Variants in FRAS1 observed in about 807,000 individuals in gnomAD.
FRAS1 encodes extracellular matrix organizing protein FRAS1.
A neutral mutation model predicts 435.2 loss-of-function variants in FRAS1; 290 were observed. The observed-to-expected ratio is 0.67, with a 90% confidence interval of 0.61 to 0.73. The LOEUF is 0.73. FRAS1 is among the 30% of genes least tolerant of loss of function. The pLI is 0.00. For missense variants in FRAS1, 4,860 were observed against 5,001.5 expected (o/e 0.97, Z 0.85); for synonymous variants, 1,800 against 1,851.0 (o/e 0.97, Z 0.71).
chr4:78,424,061 AT>A (rs1268196227), intron 34 of FRAS1, among the ~76,000 whole-genome samples: 2 of 152,214 alleles, frequency 1.3e-5, no homozygotes, highest in African/African-American at 4.8e-5. Flanking sequence ...CCTGTCAGTG[AT>A]ATACGACTCA....
intron 27 of FRAS1, among the ~76,000 whole-genome samples, chr4:78,381,326 CAG>C (rs1383270822): frequency 6.6e-6 from 1 of 151,306 alleles, no homozygotes; most frequent in Non-Finnish European, 1.5e-5. Flanking sequence ...TTATTTGAGA[CAG>C]AATCTCACTC....
chr4:78,294,875 A>G (rs531864813), intron 14 of FRAS1, among the ~76,000 whole-genome samples: 2 of 152,362 alleles, frequency 1.3e-5, no homozygotes, highest in South Asian at 4.1e-4. Flanking sequence ...ATTAAAGTCA[A>G]TAAAATATAA....
rs1741885681 is a variant in FRAS1 at position 78,097,790 on chromosome 4, A to G, written c.108+31774A>G. Among the ~76,000 whole-genome samples the G allele has an allele frequency of 1.3e-5, 2 of 152,164 alleles. 1 individual carries two copies. Among genetic ancestry groups the G allele is most frequent in the South Asian group, 4.1e-4 (2 of 4,834 alleles). Reference sequence around the variant, plus strand: ...GGGGATACAGAACCAAACCATACAAAGTCCTAACCTTAGTACTTCAGAATG... The same window carrying G: ...GGGGATACAGAACCAAACCATACAAGGTCCTAACCTTAGTACTTCAGAATG... On this transcript the variant is annotated intron_variant, in intron 2 of 73. Coordinates refer to ENST00000512123, the MANE Select transcript of FRAS1 (RefSeq NM_025074.7).
At chr4:78,317,315 G>A in intron 16 of FRAS1, 53 bp from the exon 17 acceptor site, 3 of 1,605,418 alleles carry the variant, frequency 1.9e-6, no homozygotes, top group Non-Finnish European at 1.7e-6. Context: ...CAGGAAGTGG[G>A]CACTTTATTC....
At chr4:78,315,809 G>T in intron 16 of FRAS1, 75 bp downstream of exon 16, 1 of 1,523,474 alleles carries the variant, frequency 6.6e-7, no homozygotes, top group Non-Finnish European at 9.0e-7. Context: ...GTTATATGTT[G>T]CTAATTTGGG....
intron 20 of FRAS1, among the ~76,000 whole-genome samples, chr4:78,356,368 T>C (rs1176604020): frequency 1.3e-5 from 2 of 152,204 alleles, no homozygotes; most frequent in African/African-American, 4.8e-5. Context: ...AACAACTGTG[T>C]GGGAGCTACC....
intron 49 of FRAS1, among the ~76,000 whole-genome samples, chr4:78,465,122 A>G (rs2627653): frequency 0.24 from 36,655 of 152,126 alleles, 5,013 homozygotes; most frequent in South Asian, 0.52. Flanking sequence ...GACTTAGCTC[A>G]CATAAACTCA....
chr4:78,446,417 T>A (rs1718832734), intron 42 of FRAS1: 4 of 1,122,872 alleles, frequency 3.6e-6, no homozygotes, highest in Non-Finnish European at 4.4e-6. Context: ...CTTCAAAGTA[T>A]GTTAATACTT....
intron 29 of FRAS1, 92 bp downstream of exon 29, chr4:78,387,793 A>G: frequency 1.2e-6 from 1 of 835,078 alleles, no homozygotes; most frequent in Non-Finnish European, 1.8e-6. Context: ...AAGTTAAGAT[A>G]TGGGTAGTCA....
At chr4:78,173,344 C>T (rs1721634410) in intron 2 of FRAS1, among the ~76,000 whole-genome samples, 1 of 152,248 alleles carries the variant, frequency 6.6e-6, no homozygotes, top group African/African-American at 2.4e-5. Context: ...AACCTTGAAA[C>T]ATTGGGATCT....
chr4:78,291,013 G>A (rs1391841704), intron 14 of FRAS1, among the ~76,000 whole-genome samples: 11 of 152,094 alleles, frequency 7.2e-5, no homozygotes, highest in East Asian at 1.9e-4. Context: ...TGATCCGCCC[G>A]CCTTGGCCTC....
chr4:78,174,578 G>C (rs539673422), intron 2 of FRAS1, among the ~76,000 whole-genome samples: 6 of 152,310 alleles, frequency 3.9e-5, no homozygotes, highest in African/African-American at 1.2e-4. Flanking sequence ...CACTCACTCA[G>C]CTCTCTCAAA....
chr4:78,489,254 A>G (rs1003048562), intron 59 of FRAS1, among the ~76,000 whole-genome samples, 174 bp downstream of exon 59: 4 of 152,224 alleles, frequency 2.6e-5, no homozygotes, highest in Middle Eastern at 3.2e-3. Context: ...AAATTTGTGT[A>G]TAACTTTTGA....
At chr4:78,530,592 C>A (rs1267441455) in intron 70 of FRAS1, among the ~76,000 whole-genome samples, 1 of 151,960 alleles carries the variant, frequency 6.6e-6, no homozygotes, top group African/African-American at 2.4e-5. Flanking sequence ...ATGCAGAAAA[C>A]TGAAACTGGA....
At chr4:78,513,259 C>G in intron 64 of FRAS1, 133 bp from the exon 65 acceptor site, 1 of 778,758 alleles carries the variant, frequency 1.3e-6, no homozygotes. Context: ...AGAAATCCTA[C>G]CTGGAAAGCT....
intron 2 of FRAS1, among the ~76,000 whole-genome samples, chr4:78,169,489 G>A (rs1336344843): frequency 1.3e-5 from 2 of 152,038 alleles, no homozygotes; most frequent in Non-Finnish European, 2.9e-5. Flanking sequence ...AGACAGTAAC[G>A]TGCACCTCAC....
At position 78,424,429 on chromosome 4, in the gene FRAS1, T is replaced by C; in HGVS notation, c.4711+9T>C. ...GAAATTCCACTTCACAGGTAAAGATTCATCTAAATTTTACTAGAAAGTGAA... is the reference window on the plus strand; with the variant it reads ...GAAATTCCACTTCACAGGTAAAGATCCATCTAAATTTTACTAGAAAGTGAA... On this transcript the variant is annotated intron_variant, in intron 35 of 73. Coordinates refer to ENST00000512123, the MANE Select transcript of FRAS1 (RefSeq NM_025074.7). 7.1e-7 allele frequency: 1 copy of C among 1,400,430 alleles called. No homozygotes were observed. Among genetic ancestry groups the C allele is most frequent in the South Asian group, 1.6e-5 (1 of 62,782 alleles). The allele number at this position is 1,400,430 out of a possible 1,614,324, so 86.8% of individuals were successfully genotyped here.
At chr4:78,281,211 C>T (rs958844406) in intron 10 of FRAS1, among the ~76,000 whole-genome samples, 187 bp from the exon 11 acceptor site, 10 of 152,080 alleles carry the variant, frequency 6.6e-5, no homozygotes, top group African/African-American at 7.2e-5. Flanking sequence ...TTCCTAGGCA[C>T]GTTGATTTCA....
rs536763825 is a variant in FRAS1 at position 78,415,552 on chromosome 4, A to G, written c.4425+2467A>G. On this transcript the variant is annotated intron_variant, in intron 32 of 73. Transcript: ENST00000512123. ...TTGAAGAACCATTGATCCAGACTAA[A>G]CTGGGGGGAATGTATCCCAGTCTTG... Among the ~76,000 whole-genome samples, 215 of 152,210 alleles carry G rather than the reference A, an allele frequency of 1.4e-3. 2 individuals carry two copies. Among genetic ancestry groups the G allele is most frequent in the South Asian group, 2.1e-3 (10 of 4,814 alleles).
Sources: gnomAD v4.1 joint callset for allele counts (sites outside exome capture counted in the v4.1 genomes callset) on GRCh38, gnomAD v4.1.1 for gene constraint, MANE v1.5 for transcripts, NCBI Gene and HGNC (gene_info 2026-07-23, HGNC 2026-07-21) for gene names.